KCNH8: variants seen among roughly 807,000 people sequenced by gnomAD.
KCNH8 encodes voltage-gated delayed rectifier potassium channel KCNH8.
KCNH8 carries 70 observed loss-of-function variants against 103.6 expected under a neutral mutation model. The observed-to-expected ratio is 0.68, with a 90% CI of 0.56 to 0.82. The LOEUF (loss-of-function observed/expected upper bound fraction) is 0.82, where lower values mean the gene tolerates loss of function less well. KCNH8 is among the 40% of genes least tolerant of loss of function. KCNH8 has a pLI of 0.00. For synonymous variants in KCNH8, 498 were observed against 489.4 expected, an observed-to-expected ratio of 1.02 and a Z score of -0.23; for missense variants, 1,217 against 1,329.9, an observed-to-expected ratio of 0.92 and a Z score of 1.32.
At chr3:19,277,279 T>G (rs2064687709) in intron 2 of KCNH8, among the ~76,000 whole-genome samples, 1 of 152,090 alleles carries the variant, frequency 6.6e-6, no homozygotes. Context: ...ATGGTAAAGA[T>G]GGGCTGTGCA....
At chr3:19,370,626 T>C (rs886858568) in intron 5 of KCNH8, among the ~76,000 whole-genome samples, 13 of 152,210 alleles carry the variant, frequency 8.5e-5, no homozygotes, top group Admixed American at 3.3e-4. Context: ...TTTTTAATTA[T>C]ACTTTAAGTT....
At position 19,529,067 on chromosome 3, in the gene KCNH8, G is replaced by C. The variant is rs182094396; in HGVS notation, c.2620-4328G>C. On this transcript the variant is annotated intron_variant, in intron 15 of 15. Coordinates refer to ENST00000328405, the MANE Select transcript of KCNH8 (RefSeq NM_144633.3). ...CAGTCAGAAGGAATAGCATGCACCA[G>C]GGCAGTGAAGGGTAAAGCTCACTGT... Among the ~76,000 whole-genome samples the C allele has an allele frequency of 2.5e-4, 38 of 152,242 alleles. 1 individual carries two copies. Among genetic ancestry groups the C allele is most frequent in the African/African-American group, 8.9e-4 (37 of 41,570 alleles).
intron 11 of KCNH8, among the ~76,000 whole-genome samples, chr3:19,466,989 T>C (rs557355633): frequency 2.6e-5 from 4 of 152,248 alleles, no homozygotes; most frequent in African/African-American, 9.6e-5. Context: ...AAGATATGTA[T>C]GTTGTTTTTA....
chr3:19,232,168 C>T (rs1231209040), intron 1 of KCNH8, among the ~76,000 whole-genome samples: 1 of 152,174 alleles, frequency 6.6e-6, no homozygotes, highest in Non-Finnish European at 1.5e-5. Flanking sequence ...AAGCCTCTTG[C>T]ATGATTAGCA....
intron 7 of KCNH8, among the ~76,000 whole-genome samples, chr3:19,419,705 C>T (rs933387701): frequency 2.6e-5 from 4 of 151,690 alleles, no homozygotes; most frequent in East Asian, 3.9e-4. Context: ...AAAATATTTA[C>T]GAAGGCCCCC....
intron 10 of KCNH8, among the ~76,000 whole-genome samples, chr3:19,452,944 A>G (rs1053351268): frequency 6.6e-6 from 1 of 152,232 alleles, no homozygotes; most frequent in African/African-American, 2.4e-5. Flanking sequence ...ACAATATGGA[A>G]TCAACCTAAG....
intron 11 of KCNH8, among the ~76,000 whole-genome samples, chr3:19,494,119 G>T (rs2068384359): frequency 6.6e-6 from 1 of 152,204 alleles, no homozygotes; most frequent in South Asian, 2.1e-4. Flanking sequence ...GTGTTAGTTT[G>T]CTTAGGATAA....
chr3:19,467,252 G>A (rs2067757773), intron 11 of KCNH8, among the ~76,000 whole-genome samples: 1 of 151,790 alleles, frequency 6.6e-6, no homozygotes, highest in Non-Finnish European at 1.5e-5. Flanking sequence ...AATATCCTGA[G>A]GGAAATATAG....
chr3:19,313,480 C>T (rs1235884439), intron 3 of KCNH8, among the ~76,000 whole-genome samples: 1 of 151,854 alleles, frequency 6.6e-6, no homozygotes, highest in Non-Finnish European at 1.5e-5. Flanking sequence ...TCTATAATCA[C>T]ACTATATGAC....
chr3:19,410,359 T>A (rs1431119378), intron 7 of KCNH8, among the ~76,000 whole-genome samples: 1 of 151,894 alleles, frequency 6.6e-6, no homozygotes, highest in Non-Finnish European at 1.5e-5. Flanking sequence ...AACAGAAACA[T>A]AACATACCAA....
intron 11 of KCNH8, among the ~76,000 whole-genome samples, chr3:19,508,236 AC>A (rs1037369939): frequency 1.3e-5 from 2 of 152,154 alleles, no homozygotes; most frequent in Admixed American, 6.6e-5. Context: ...AGATTTTGGT[AC>A]TAGGCTTATT....
intron 6 of KCNH8, chr3:19,391,552 C>A (rs2066438358): frequency 6.6e-6 from 1 of 151,984 alleles, no homozygotes; most frequent in Non-Finnish European, 1.5e-5. Context: ...AAATATTAAA[C>A]ACAATAATCA....
chr3:19,479,890 A>G (rs1021904881), intron 11 of KCNH8, among the ~76,000 whole-genome samples: 4 of 152,196 alleles, frequency 2.6e-5, no homozygotes, highest in African/African-American at 9.6e-5. Flanking sequence ...ATGGGAACAC[A>G]TGTTCCTCCA....
intron 11 of KCNH8, among the ~76,000 whole-genome samples, chr3:19,504,970 T>G (rs9851288): frequency 6.6e-6 from 1 of 151,062 alleles, no homozygotes; most frequent in East Asian, 1.9e-4. Flanking sequence ...ATGTGAGATA[T>G]ATATATATAT....
intron 1 of KCNH8, among the ~76,000 whole-genome samples, chr3:19,231,189 TTAA>T (rs1262479908): frequency 6.6e-6 from 1 of 152,150 alleles, no homozygotes; most frequent in Non-Finnish European, 1.5e-5. Flanking sequence ...ATTTGATTTA[TTAA>T]TATATAATAT....
intron 1 of KCNH8, among the ~76,000 whole-genome samples, chr3:19,234,380 T>C (rs1370204815): frequency 1.3e-5 from 2 of 152,080 alleles, no homozygotes; most frequent in East Asian, 1.9e-4. Flanking sequence ...GCCCACGGAG[T>C]TGGGGGGAGG....
intron 11 of KCNH8, among the ~76,000 whole-genome samples, chr3:19,496,943 T>C (rs1416775509): frequency 6.6e-6 from 1 of 152,276 alleles, no homozygotes; most frequent in East Asian, 1.9e-4. Flanking sequence ...GTCCAGGAAT[T>C]TATCAGGTTC....
At chr3:19,222,999 A>G (rs1174721852) in intron 1 of KCNH8, among the ~76,000 whole-genome samples, 1 of 152,156 alleles carries the variant, frequency 6.6e-6, no homozygotes, top group Non-Finnish European at 1.5e-5. Context: ...CTCCGGCACA[A>G]ATATTCTGTG....
rs191094786 is a variant in KCNH8 at position 19,236,358 on chromosome 3, T to G, written c.77-17296T>G. Among the ~76,000 whole-genome samples the G allele has an allele frequency of 1.4e-4, 22 of 152,310 alleles. No homozygotes were observed. In the East Asian group the frequency reaches 4.2e-3, roughly 29 times the overall value. On this transcript the variant is annotated intron_variant, in intron 1 of 15. Coordinates refer to ENST00000328405, the MANE Select transcript of KCNH8 (RefSeq NM_144633.3). The stretch of plus-strand genomic sequence containing the variant: ...GTGGACAGTCATTATCTAGATAAAT[T>G]ATACACTATCTCTTCTCTTCTTACG...
Sources: allele counts gnomAD v4.1 joint callset (sites outside exome capture counted in the v4.1 genomes callset), GRCh38; gene constraint gnomAD v4.1.1; transcripts MANE v1.5; gene names NCBI Gene and HGNC (gene_info 2026-07-23, HGNC 2026-07-21).